Variants in KIF1B observed in about 807,000 individuals in gnomAD.
KIF1B encodes the protein kinesin family member 1B.
A neutral mutation model predicts 241.9 loss-of-function variants in KIF1B; 76 were observed. The observed-to-expected ratio is 0.31, with a 90% CI of 0.26 to 0.38. KIF1B has a LOEUF of 0.38. KIF1B is among the 10% of genes least tolerant of loss of function. The pLI, the probability that KIF1B is intolerant of heterozygous loss-of-function variation, is 1.00. For synonymous variants in KIF1B, 750 were observed against 796.7 expected (o/e 0.94, Z 0.99); for missense variants, 1,622 against 2,271.4 (o/e 0.71, Z 5.81).
At chr1:10,336,809 G>C in intron 29 of KIF1B, 67 bp downstream of exon 29, 2 of 1,445,476 alleles carry the variant, frequency 1.4e-6, no homozygotes, top group South Asian at 2.3e-5. Context: ...TTGGAGATCA[G>C]TTCTCCTGTA....
rs1354383129 is a variant in KIF1B at position 10,221,923 on chromosome 1, C to G, written c.-79-10327C>G. The stretch of plus-strand genomic sequence containing the variant: ...CTGTGCCTCCCAGGTTCAAGCGATT[C>G]TCATGCCTCAGCCTCCTAAGTAGCT... On this transcript the variant is annotated intron_variant, in intron 1 of 48. Transcript: ENST00000676179. 3.3e-5 allele frequency among the ~76,000 whole-genome samples: 5 copies of G among 152,150 alleles called. No homozygotes were observed. In the East Asian group the frequency reaches 9.7e-4, roughly 29 times the overall value.
At chr1:10,308,699 G>A in intron 22 of KIF1B, 2 of 837,040 alleles carry the variant, frequency 2.4e-6, no homozygotes, top group Non-Finnish European at 2.9e-6. Flanking sequence ...ATCTGAAGAT[G>A]GTTGTAAACT....
intron 2 of KIF1B, among the ~76,000 whole-genome samples, chr1:10,254,011 C>T (rs979422448): frequency 6.6e-6 from 1 of 152,186 alleles, no homozygotes; most frequent in African/African-American, 2.4e-5. Context: ...CACTGATAGC[C>T]TGGGATGTGG....
At chr1:10,301,659 C>CA (rs34070754) in intron 22 of KIF1B, among the ~76,000 whole-genome samples, 226 of 143,092 alleles carry the variant, frequency 1.6e-3, no homozygotes, top group Admixed American at 8.1e-3. Flanking sequence ...GATTCTGTCT[C>CA]AAAAAAAAAA....
intron 7 of KIF1B, 46 bp from the exon 8 acceptor site, chr1:10,271,456 A>G (rs914750738): frequency 2.2e-6 from 3 of 1,336,454 alleles, no homozygotes; most frequent in South Asian, 1.2e-5. Context: ...TCCTGCTTCT[A>G]TCTTGCTTAT....
chr1:10,348,879 A>G, intron 37 of KIF1B, 146 bp downstream of exon 37: 4 of 701,504 alleles, frequency 5.7e-6, no homozygotes, highest in Non-Finnish European at 1.0e-5. Context: ...GGGCTCAAGC[A>G]ATCCTCCTGC....
At chr1:10,340,011 A>G (rs1652331450) in intron 32 of KIF1B, 152 bp downstream of exon 32, 3 of 723,988 alleles carry the variant, frequency 4.1e-6, no homozygotes, top group African/African-American at 1.7e-5. Context: ...GAGGTCATCC[A>G]CAGCGGCCTG....
chr1:10,256,409 A>T, intron 3 of KIF1B, 86 bp downstream of exon 3: 1 of 929,264 alleles, frequency 1.1e-6, no homozygotes, highest in African/African-American at 1.6e-5. Context: ...AGCTGAGCAG[A>T]TCCAAGTTTT....
In KIF1B at chr1:10,309,833, A is replaced by G. The variant is rs1272338749; in HGVS notation, c.2116-10210A>G. 1.3e-5 allele frequency among the ~76,000 whole-genome samples: 2 copies of G among 151,502 alleles called. 1 individual carries two copies. Among genetic ancestry groups the G allele is most frequent in the African/African-American group, 4.9e-5 (2 of 40,806 alleles). ...CTTACTGTAGTCTCCAAGGCTTTACATGTTTTGGCTGCTTACCTACCACTC... is the reference window on the plus strand; with the variant it reads ...CTTACTGTAGTCTCCAAGGCTTTACGTGTTTTGGCTGCTTACCTACCACTC... On this transcript the variant is annotated intron_variant, in intron 22 of 48. Transcript: ENST00000676179.
At chr1:10,353,224 C>A (rs1472929226) in intron 38 of KIF1B, among the ~76,000 whole-genome samples, 3 of 152,056 alleles carry the variant, frequency 2.0e-5, no homozygotes, top group Admixed American at 2.0e-4. Flanking sequence ...GCTCCATTAT[C>A]CTTAGTATTT....
chr1:10,324,199 C>T lies in KIF1B; in HGVS notation c.2537+137C>T, dbSNP rs1651633925. The T allele has an allele frequency of 3.6e-6, 3 of 824,366 alleles. No individual in the cohort carries two copies. The Admixed American group carries it at 6.0e-5, about 16-fold the overall frequency. The allele number at this position is 824,366 out of a possible 1,614,324, so 51.1% of individuals were successfully genotyped here. ...TGTACTTTCTAAATGCTGTTGTTGG[C>T]CAATGGTATTACCATCCATCTGTTT... On this transcript the variant is annotated intron_variant, in intron 25 of 48. Transcript: ENST00000676179.
intron 48 of KIF1B, among the ~76,000 whole-genome samples, 167 bp from the exon 49 acceptor site, chr1:10,376,378 T>G (rs765832525): frequency 3.9e-5 from 6 of 152,162 alleles, no homozygotes; most frequent in Non-Finnish European, 7.4e-5. Context: ...CAGCCTCACG[T>G]TCTGAGGGCT....
intron 28 of KIF1B, among the ~76,000 whole-genome samples, 169 bp from the exon 29 acceptor site, chr1:10,336,483 TGAGGA>T (rs2102315018): frequency 6.6e-6 from 1 of 152,310 alleles, no homozygotes; most frequent in Admixed American, 6.5e-5. Flanking sequence ...TCATTTGAGC[TGAGGA>T]AGTTGATAAA....
Position 10,303,938 on chromosome 1 carries a change from G to A in KIF1B, c.2115+6692G>A, listed in dbSNP as rs1557701239. The A allele has an allele frequency of 2.5e-6, 4 of 1,614,204 alleles. No homozygotes were observed. The highest frequency in any genetic ancestry group is 2.2e-5 in the East Asian group (1 of 44,876). On this transcript the variant is annotated intron_variant, in intron 22 of 48. Transcript: ENST00000676179. This position sits in a 1 kb window ranked among gnomAD's most constrained non-coding sequence, Gnocchi z 5.2. ...GGGGATCCAGCTTTTAGACGTGGACGTCTGCGCTGGATGAGGCAAGAGCAA... is the reference window on the plus strand; with the variant it reads ...GGGGATCCAGCTTTTAGACGTGGACATCTGCGCTGGATGAGGCAAGAGCAA...
chr1:10,360,514 GTC>G (rs1331157325), intron 38 of KIF1B, among the ~76,000 whole-genome samples: 6 of 151,844 alleles, frequency 4.0e-5, no homozygotes, highest in Admixed American at 1.3e-4. Context: ...GTGAAACCCT[GTC>G]TCTACTAAAA....
intron 10 of KIF1B, 138 bp downstream of exon 10, chr1:10,273,169 G>A: frequency 1.6e-6 from 1 of 606,736 alleles, no homozygotes; most frequent in Non-Finnish European, 2.9e-6. Context: ...GGAATTTAGA[G>A]TGGCTGTAAA....
chr1:10,363,089 G>A (rs966473420), intron 40 of KIF1B, among the ~76,000 whole-genome samples, 194 bp from the exon 41 acceptor site: 1 of 152,072 alleles, frequency 6.6e-6, no homozygotes, highest in Non-Finnish European at 1.5e-5. Context: ...ATTAAATTGA[G>A]ATGAAAGCGG....
At chr1:10,226,845 G>A (rs1442799641) in intron 1 of KIF1B, among the ~76,000 whole-genome samples, 2 of 151,848 alleles carry the variant, frequency 1.3e-5, no homozygotes, top group Non-Finnish European at 2.9e-5. Context: ...GCGTGTGCCT[G>A]TAATCCCAGC....
At chr1:10,340,789 A>T (rs1024169370) in intron 32 of KIF1B, among the ~76,000 whole-genome samples, 4 of 152,194 alleles carry the variant, frequency 2.6e-5, no homozygotes, top group African/African-American at 9.7e-5. Context: ...AAAAAATAAA[A>T]AAGTAATAAT....
Sources: allele counts gnomAD v4.1 joint callset (sites outside exome capture counted in the v4.1 genomes callset), GRCh38; gene constraint gnomAD v4.1.1; non-coding constraint Gnocchi (gnomAD v3.1); transcripts MANE v1.5; gene names NCBI Gene and HGNC (gene_info 2026-07-23, HGNC 2026-07-21).